NMBR: variants seen among roughly 807,000 people sequenced by gnomAD.
NMBR encodes neuromedin B receptor, also known as neuromedin-B receptor.
Under a neutral mutation model 20.5 loss-of-function variants are expected in NMBR, and 16 were observed. That is an observed-to-expected ratio of 0.78 (90% confidence interval 0.53 to 1.19). The LOEUF (loss-of-function observed/expected upper bound fraction) is 1.19. Ranked by LOEUF, NMBR falls within the 50% of genes most tolerant of loss-of-function variation. The pLI is 0.00. For missense variants in NMBR, 582 were observed against 499.1 expected (o/e 1.17, Z -1.58); for synonymous variants, 212 against 196.6 (o/e 1.08, Z -0.65).
At position 142,111,707 on chromosome 6, in the gene NMBR, C is replaced by T. The variant is rs557276707; in HGVS notation, c.-663-22386G>A. On this transcript the variant is annotated intron_variant, in intron 1 of 3. Coordinates refer to ENST00000258042, the MANE Select transcript of NMBR (RefSeq NM_002511.4). ...ATTGAATAGTGAAAAACTTAGGCTA[C>T]GAGAAATGTCAATGCTGATTTAATC... Among the ~76,000 whole-genome samples, 15 of 152,212 alleles carry T rather than the reference C, an allele frequency of 9.9e-5. 1 individual carries two copies. In the South Asian group the frequency reaches 2.1e-3, roughly 21 times the overall value.
chr6:142,101,470 T>C (rs535381282), intron 1 of NMBR, among the ~76,000 whole-genome samples: 1 of 152,156 alleles, frequency 6.6e-6, no homozygotes, highest in Non-Finnish European at 1.5e-5. Context: ...AGCAGAACAG[T>C]GGGTTTTTTA....
At chr6:142,095,559 A>G (rs1159759906) in intron 1 of NMBR, among the ~76,000 whole-genome samples, 2 of 152,116 alleles carry the variant, frequency 1.3e-5, no homozygotes, top group Non-Finnish European at 2.9e-5. Context: ...GTTTGCTAGT[A>G]TTTCATTGAG....
chr6:142,146,261 A>T (rs1400299334), intron 1 of NMBR, among the ~76,000 whole-genome samples: 1 of 152,230 alleles, frequency 6.6e-6, no homozygotes, highest in East Asian at 1.9e-4. Flanking sequence ...TGAGAGAGTG[A>T]TCAGAAAATA....
intron 1 of NMBR, among the ~76,000 whole-genome samples, chr6:142,097,570 A>G (rs1040278252): frequency 1.3e-5 from 2 of 152,118 alleles, no homozygotes; most frequent in Admixed American, 1.3e-4. Flanking sequence ...TTAAAGTCAA[A>G]ATATTGTAAG....
At chr6:142,102,595 G>T (rs984410523) in intron 1 of NMBR, among the ~76,000 whole-genome samples, 11 of 152,122 alleles carry the variant, frequency 7.2e-5, no homozygotes, top group African/African-American at 2.7e-4. Flanking sequence ...TTTAAAGTCT[G>T]TTGTGCAACC....
intron 1 of NMBR, among the ~76,000 whole-genome samples, chr6:142,118,185 T>G (rs531345494): frequency 6.6e-6 from 1 of 152,096 alleles, no homozygotes; most frequent in African/African-American, 2.4e-5. Context: ...TAATGTTCAT[T>G]AACTCCTTTG....
At chr6:142,146,089 T>C (rs1778426646) in intron 1 of NMBR, among the ~76,000 whole-genome samples, 1 of 152,172 alleles carries the variant, frequency 6.6e-6, no homozygotes, top group Non-Finnish European at 1.5e-5. Context: ...CATTCTCCAG[T>C]GGTAGGAAAT....
Position 142,124,640 on chromosome 6 carries a change from G to T in NMBR, c.-664+22404C>A, listed in dbSNP as rs567182984. On this transcript the variant is annotated intron_variant, in intron 1 of 3. Coordinates refer to ENST00000258042, the MANE Select transcript of NMBR (RefSeq NM_002511.4). ...TCCCCCGCCAAAAATAATAGCTGTA[G>T]ATATGCGAACTATTCAAAAAAGAAA... Among the ~76,000 whole-genome samples, 4 of 151,870 alleles carry T rather than the reference G, an allele frequency of 2.6e-5. No homozygotes were observed. In the East Asian group the frequency reaches 7.8e-4, roughly 30 times the overall value.
intron 1 of NMBR, among the ~76,000 whole-genome samples, chr6:142,101,288 C>T (rs1348235836): frequency 6.6e-6 from 1 of 152,120 alleles, no homozygotes; most frequent in Non-Finnish European, 1.5e-5. Flanking sequence ...TACAGAGAAA[C>T]CTTTATGTCA....
intron 2 of NMBR, 135 bp from the exon 3 acceptor site, chr6:142,079,038 AAGAG>A (rs1295509884): frequency 2.4e-5 from 12 of 502,320 alleles, no homozygotes; most frequent in Non-Finnish European, 4.1e-5. Context: ...GAAAGAAAGA[AAGAG>A]AGAAAGAAAG....
chr6:142,078,373 G>A (rs973669594), intron 3 of NMBR, among the ~76,000 whole-genome samples, 182 bp downstream of exon 3: 7 of 152,146 alleles, frequency 4.6e-5, no homozygotes, highest in African/African-American at 1.4e-4. Context: ...ACCTAAGCAG[G>A]CCTTTGCAGG....
chr6:142,143,388 G>A (rs1207603095), intron 1 of NMBR, among the ~76,000 whole-genome samples: 1 of 152,160 alleles, frequency 6.6e-6, no homozygotes, highest in African/African-American at 2.4e-5. Context: ...GGGTTCAAGC[G>A]ATTCTCTTGC....
At chr6:142,108,450 TCA>T (rs1582850652) in intron 1 of NMBR, among the ~76,000 whole-genome samples, 4 of 152,182 alleles carry the variant, frequency 2.6e-5, no homozygotes, top group Admixed American at 6.5e-5. Flanking sequence ...TTTAATTGAC[TCA>T]CAGTTGTGCA....
rs547758423 is a variant in NMBR at position 142,077,643 on chromosome 6, CTT to C, written c.771+910_771+911del. Among the ~76,000 whole-genome samples the C allele has an allele frequency of 3.8e-3, 580 of 152,326 alleles. 4 individuals carry two copies. The highest frequency in any genetic ancestry group is 0.013 in the African/African-American group (550 of 41,578). On this transcript the variant is annotated intron_variant, in intron 3 of 3. Coordinates refer to ENST00000258042, the MANE Select transcript of NMBR (RefSeq NM_002511.4). ...AAAGGTTACCTTCCATGCAAGAAAA[CTT>C]TACTAGTTTCTGCTGTTGCTAACAT... is the stretch of plus-strand genomic sequence containing the variant.
chr6:142,133,930 C>A, intron 1 of NMBR: 2 of 702,466 alleles, frequency 2.8e-6, no homozygotes, highest in Non-Finnish European at 5.2e-6. Context: ...GGGTGCTAGG[C>A]TTTGCAGTTT....
intron 1 of NMBR, among the ~76,000 whole-genome samples, chr6:142,135,807 C>T (rs1183933176): frequency 6.6e-6 from 1 of 151,904 alleles, no homozygotes; most frequent in Admixed American, 6.6e-5. Flanking sequence ...CATCCATGTC[C>T]CTACAAAGGA....
intron 1 of NMBR, among the ~76,000 whole-genome samples, chr6:142,131,194 T>C (rs566203396): frequency 1.3e-5 from 2 of 152,310 alleles, no homozygotes; most frequent in South Asian, 4.1e-4. Context: ...CTTAATTCTA[T>C]AATTAGATGA....
At chr6:142,132,580 A>G (rs1466552143) in intron 1 of NMBR, among the ~76,000 whole-genome samples, 1 of 152,234 alleles carries the variant, frequency 6.6e-6, no homozygotes, top group Non-Finnish European at 1.5e-5. Context: ...ATAATGCAAT[A>G]ACTATTATAT....
chr6:142,078,750 A>G lies in NMBR; in HGVS notation c.576T>C (p.Asn192=). The change falls in exon 3 of 4, where the codon AAT becomes AAC. Residue 192 remains asparagine, a synonymous_variant. Coordinates refer to ENST00000258042, the MANE Select transcript of NMBR (RefSeq NM_002511.4). The stretch of plus-strand genomic sequence containing the variant: ...ATGGGATACATGCTGTGAAGCTGCT[A>G]TTATCCAAGCTACTGATGCGAGCCA... The part of the protein sequence containing the change: ...SEVARISSLD[N]SSFTACIPYP... 3.1e-6 allele frequency: 5 copies of G among 1,614,002 alleles called. No individual in the cohort carries two copies. Among genetic ancestry groups the G allele is most frequent in the Non-Finnish European group, 4.2e-6 (5 of 1,179,998 alleles).
Sources: gnomAD v4.1 joint callset for allele counts (sites outside exome capture counted in the v4.1 genomes callset) on GRCh38, gnomAD v4.1.1 for gene constraint, MANE v1.5 for transcripts, NCBI Gene and HGNC (gene_info 2026-07-23, HGNC 2026-07-21) for gene names.